Variants in PER2 observed in about 807,000 individuals in gnomAD.
The protein encoded by PER2 is period circadian protein homolog 2.
A neutral mutation model predicts 121.0 loss-of-function variants in PER2; 66 were observed. That is an observed-to-expected ratio of 0.55 (90% confidence interval 0.45 to 0.67). The LOEUF is 0.67. Among genes scored for constraint, PER2 ranks in the 30% least tolerant of loss-of-function variants. PER2 has a pLI of 0.00. For missense variants in PER2, 1,521 were observed against 1,635.0 expected, an observed-to-expected ratio of 0.93 and a Z score of 1.20; for synonymous variants, 684 against 659.9, an observed-to-expected ratio of 1.04 and a Z score of -0.56.
At chr2:238,251,794 G>A (rs1217132975) in intron 19 of PER2, 33 bp from the exon 20 acceptor site, 26 of 1,576,188 alleles carry the variant, frequency 1.6e-5, no homozygotes, top group Non-Finnish European at 2.3e-5. Context: ...CTGCTGTTCA[G>A]GGGCTCAGTC....
chr2:238,250,391 G>A (rs1232500825), intron 21 of PER2, among the ~76,000 whole-genome samples, 160 bp downstream of exon 21: 1 of 152,266 alleles, frequency 6.6e-6, no homozygotes, highest in Non-Finnish European at 1.5e-5. Context: ...TAGCCTGGCA[G>A]AATTGTCCAG....
chr2:238,279,938 T>C (rs555751317), intron 1 of PER2, among the ~76,000 whole-genome samples: 2 of 152,240 alleles, frequency 1.3e-5, no homozygotes, highest in East Asian at 3.9e-4. Flanking sequence ...CCCCCGGCCA[T>C]GGAAGGCCCA....
intron 14 of PER2, among the ~76,000 whole-genome samples, chr2:238,259,761 G>A (rs1695870663): frequency 1.3e-5 from 2 of 152,210 alleles, no homozygotes; most frequent in African/African-American, 2.4e-5. Context: ...TGCCCAGTGT[G>A]GACATCAGTG....
chr2:238,275,701 A>T (rs764572564), intron 4 of PER2, 42 bp downstream of exon 4: 1 of 1,592,620 alleles, frequency 6.3e-7, no homozygotes, highest in South Asian at 1.1e-5. Flanking sequence ...GATTTAAAAC[A>T]TATTTCTATA....
At position 238,246,335 on chromosome 2, in the gene PER2, GGT is replaced by G; in HGVS notation, c.*38_*39del. ...CTTTCATCTCTTCCAAGCACCACCT[GGT>G]GTACCTCGCTGGCTGCCGGGCTGAG... On this transcript the variant is annotated 3_prime_UTR_variant, in exon 23 of 23. Transcript: ENST00000254657. 6.6e-7 allele frequency: 1 copy of G among 1,517,386 alleles called. No individual in the cohort carries two copies. Among genetic ancestry groups the G allele is most frequent in the Non-Finnish European group, 9.0e-7 (1 of 1,115,586 alleles). 94.0% of individuals were successfully genotyped at this position (1,517,386 alleles called of 1,614,324 possible).
At chr2:238,263,200 C>T in intron 9 of PER2, 142 bp from the exon 10 acceptor site, 1 of 672,438 alleles carries the variant, frequency 1.5e-6, no homozygotes, top group Admixed American at 2.2e-5. Context: ...AAAAGTTGGA[C>T]TAACAGAACC....
In PER2 at chr2:238,260,833, T is replaced by A; in HGVS notation, c.1537A>T (p.Arg513Ter). The change falls in exon 13 of 23, where the codon AGA becomes TGA. Residue 513 changes from arginine to a stop codon, truncating the protein, a stop_gained. Coordinates refer to ENST00000254657, the MANE Select transcript of PER2 (RefSeq NM_022817.3). LOFTEE classifies it high-confidence loss of function. ...SNGHEDSRRR[R>*]AEICKNGNKT... is the part of the protein sequence containing the mutation. ...GAGAATGGAAGGAGACGTACGGCTC[T>A]CCTCCGGCGTGAGTCCTCATGGCCG... The A allele has an allele frequency of 6.2e-7, 1 of 1,614,132 alleles. No individual in the cohort carries two copies. Among genetic ancestry groups the A allele is most frequent in the East Asian group, 2.2e-5 (1 of 44,882 alleles).
At position 238,249,045 on chromosome 2, in the gene PER2, G is replaced by C. The variant is rs372517264; in HGVS notation, c.3618+17C>G. The C allele has an allele frequency of 6.2e-6, 10 of 1,613,212 alleles. No homozygotes were observed. Among genetic ancestry groups the C allele is most frequent in the Non-Finnish European group, 7.6e-6 (9 of 1,179,434 alleles). ...GCCTTTTAGGGCCATATCAGAAATCGAGTCCCGTGAGCTTACTGCCACGTC... is the reference window on the plus strand; with the variant it reads ...GCCTTTTAGGGCCATATCAGAAATCCAGTCCCGTGAGCTTACTGCCACGTC... On this transcript the variant is annotated intron_variant, in intron 22 of 22. Transcript: ENST00000254657.
In PER2 at chr2:238,245,522, T is replaced by C; in HGVS notation, c.*853A>G. 2.5e-6 allele frequency: 1 copy of C among 397,722 alleles called. No homozygotes were observed. The highest frequency in any genetic ancestry group is 4.4e-6 in the Non-Finnish European group (1 of 226,046). 24.6% of individuals were successfully genotyped at this position (397,722 alleles called of 1,614,324 possible). ...CCAACGGAAGAAAACCAAACAGGAC[T>C]GGGTCTCACATGTGTTGGTCACAGC... On this transcript the variant is annotated 3_prime_UTR_variant, in exon 23 of 23. Coordinates refer to ENST00000254657, the MANE Select transcript of PER2 (RefSeq NM_022817.3).
chr2:238,264,347 C>T (rs1366269525), intron 9 of PER2, among the ~76,000 whole-genome samples: 1 of 152,230 alleles, frequency 6.6e-6, no homozygotes, highest in Non-Finnish European at 1.5e-5. Flanking sequence ...GGCTCTGCCC[C>T]AGGCAGCCCC....
chr2:238,263,001 C>T lies in PER2; in HGVS notation c.1104G>A (p.Val368=). 1 of 1,614,092 alleles carries T rather than the reference C, an allele frequency of 6.2e-7. No homozygotes were observed. The highest frequency in any genetic ancestry group is 8.5e-7 in the Non-Finnish European group (1 of 1,179,968). Reference sequence around the variant, plus strand: ...AGGGCCTGTCACTAGGGTGGAGCTGCACGAGCACTGGGGTTTCAATCAGGT... The same window carrying T: ...AGGGCCTGTCACTAGGGTGGAGCTGTACGAGCACTGGGGTTTCAATCAGGT... ...PQDLIETPVL[V]QLHPSDRPLM... The change falls in exon 10 of 23, where the codon GTG becomes GTA. Residue 368 remains valine (V), a synonymous_variant. Coordinates refer to ENST00000254657, the MANE Select transcript of PER2 (RefSeq NM_022817.3).
chr2:238,246,568 T>A, intron 22 of PER2, 44 bp from the exon 23 acceptor site: 1 of 1,401,112 alleles, frequency 7.1e-7, no homozygotes. Flanking sequence ...ACTTGAGATC[T>A]GAGTTGTTAC....
Position 238,246,314 on chromosome 2 carries a change from C to G in PER2, c.*61G>C, listed in dbSNP as rs1559319464. The G allele has an allele frequency of 7.9e-7, 1 of 1,273,662 alleles. No individual in the cohort carries two copies. Among genetic ancestry groups the G allele is most frequent in the East Asian group, 2.4e-5 (1 of 41,072 alleles). The allele number at this position is 1,273,662 out of a possible 1,614,324, so 78.9% of individuals were successfully genotyped here. On this transcript the variant is annotated 3_prime_UTR_variant, in exon 23 of 23. Transcript: ENST00000254657. ...AGTGGAAACAGCCATGAAGATCTTT[C>G]ATCTCTTCCAAGCACCACCTGGTGT...
intron 1 of PER2, among the ~76,000 whole-genome samples, chr2:238,282,017 C>G (rs1360701871): frequency 6.6e-6 from 1 of 152,190 alleles, no homozygotes; most frequent in African/African-American, 2.4e-5. Context: ...CCACCTGGCC[C>G]TGCTATGGTT....
intron 3 of PER2, 52 bp downstream of exon 3, chr2:238,277,079 A>T: frequency 7.7e-7 from 1 of 1,305,544 alleles, no homozygotes; most frequent in Non-Finnish European, 1.1e-6. Flanking sequence ...TCCAATAAGA[A>T]GTCTTTCAAT....
chr2:238,271,863 A>G (rs1696299223), intron 5 of PER2, among the ~76,000 whole-genome samples: 1 of 152,108 alleles, frequency 6.6e-6, no homozygotes, highest in African/African-American at 2.4e-5. Flanking sequence ...ACTAGCCCCG[A>G]GATGACCCCA....
the PER2 span, chr2:238,295,953 A>G: frequency 4.0e-6 from 1 of 248,052 alleles, no homozygotes; most frequent in South Asian, 3.7e-5. Context: ...GAGGGGTGAC[A>G]CGTGCTGCTG....
chr2:238,278,382 C>T (rs1696523250), intron 1 of PER2, among the ~76,000 whole-genome samples: 2 of 152,152 alleles, frequency 1.3e-5, no homozygotes, highest in African/African-American at 2.4e-5. Flanking sequence ...GCCCTTTCAT[C>T]GGGATCAATC....
rs78325409 is a variant in PER2 at position 238,273,056 on chromosome 2, G to T, written c.570+14C>A. On this transcript the variant is annotated intron_variant, in intron 5 of 22. Transcript: ENST00000254657. ...CTGCCATTTTAGAAAGAAACTTTGCGGAAAGAGGCTTACGGCATTCTTCAC... is the reference window on the plus strand; with the variant it reads ...CTGCCATTTTAGAAAGAAACTTTGCTGAAAGAGGCTTACGGCATTCTTCAC... 3.4e-5 allele frequency: 55 copies of T among 1,613,848 alleles called. No individual in the cohort carries two copies. In the East Asian group the frequency reaches 1.2e-3, roughly 36 times the overall value.
Sources: gnomAD v4.1 joint callset for allele counts (sites outside exome capture counted in the v4.1 genomes callset) on GRCh38, gnomAD v4.1.1 for gene constraint, MANE v1.5 for transcripts, NCBI Gene and HGNC (gene_info 2026-07-23, HGNC 2026-07-21) for gene names.